Variants in RBFOX3 observed in about 807,000 individuals in gnomAD.
RBFOX3 encodes RNA binding protein fox-1 homolog 3.
Under a neutral mutation model 48.7 loss-of-function variants are expected in RBFOX3, and 17 were observed. That is an observed-to-expected ratio of 0.35 (90% CI 0.24 to 0.52). The LOEUF is 0.52. RBFOX3 is among the 20% of genes least tolerant of loss of function. The pLI is 0.94. For synonymous variants in RBFOX3, 212 were observed against 209.5 expected, an observed-to-expected ratio of 1.01 and a Z score of -0.10; for missense variants, 382 against 497.5, an observed-to-expected ratio of 0.77 and a Z score of 2.21.
intron 14 of RBFOX3, chr17:79,092,132 C>T (rs1332404808): frequency 8.1e-6 from 8 of 985,410 alleles, no homozygotes; most frequent in East Asian, 2.3e-4. Context: ...GGCCATGGCA[C>T]GGGGCTGGTC....
At chr17:79,306,426 G>A (rs1036889430) in intron 3 of RBFOX3, among the ~76,000 whole-genome samples, 5 of 152,260 alleles carry the variant, frequency 3.3e-5, no homozygotes, top group Non-Finnish European at 7.3e-5. Flanking sequence ...TCAGTGCAAC[G>A]GAGCCTGCTG....
intron 3 of RBFOX3, among the ~76,000 whole-genome samples, chr17:79,302,600 G>C (rs1253934497): frequency 2.0e-5 from 3 of 152,096 alleles, no homozygotes; most frequent in Non-Finnish European, 4.4e-5. Context: ...AGAATCAGTT[G>C]AACCTGGGAT....
At position 79,492,152 on chromosome 17, in the gene RBFOX3, A is replaced by G. The variant is rs1278289867; in HGVS notation, c.-319-9554T>C. On this transcript the variant is annotated intron_variant, in intron 1 of 14. Coordinates refer to ENST00000693108, the MANE Select transcript of RBFOX3 (RefSeq NM_001350451.2). ...GGCTGAGCTCACACTGGACATGCTG[A>G]GTTTGAAGAGCCCCTGGAATGTCGG... is the stretch of plus-strand genomic sequence containing the variant. Among the ~76,000 whole-genome samples the G allele has an allele frequency of 6.6e-5, 10 of 152,278 alleles. No homozygotes were observed. In the East Asian group the frequency reaches 1.5e-3, roughly 23 times the overall value.
intron 2 of RBFOX3, among the ~76,000 whole-genome samples, chr17:79,334,679 G>A (rs34898185): frequency 0.18 from 27,210 of 152,258 alleles, 3,306 homozygotes; most frequent in Non-Finnish European, 0.27. Context: ...GCAGGCCCAA[G>A]ACTGAGCTCT....
chr17:79,616,134 G>A, the RBFOX3 span, among the ~76,000 whole-genome samples: 7 of 152,174 alleles, frequency 4.6e-5, no homozygotes, highest in South Asian at 2.1e-4. Flanking sequence ...CAGCACCGAC[G>A]GCCCGTTGGA....
chr17:79,112,904 C>CGGCGGGGGGGGGGGGGG lies in RBFOX3; in HGVS notation c.222+2589_222+2590insCCCCCCCCCCCCCCGCC, dbSNP rs1307784460. Among the ~76,000 whole-genome samples the CGGCGGGGGGGGGGGGGG allele has an allele frequency of 5.3e-3, 55 of 10,290 alleles. 2 individuals are homozygous for CGGCGGGGGGGGGGGGGG. Among genetic ancestry groups the CGGCGGGGGGGGGGGGGG allele is most frequent in the African/African-American group, 7.3e-3 (16 of 2,182 alleles). The allele number at this position is 10,290 out of a possible 152,430, so 6.8% of individuals were successfully genotyped here. ...GGTGCCAACCTGGGCAGCAGGCTCT[C>CGGCGGGGGGGGGGGGGG]GGGGGGGGGGTGGGCTGGGTAGGAC... is the stretch of plus-strand genomic sequence containing the variant. On this transcript the variant is annotated intron_variant, in intron 5 of 14. Transcript: ENST00000693108.
At chr17:79,232,484 C>G (rs960580580) in intron 4 of RBFOX3, among the ~76,000 whole-genome samples, 3 of 152,146 alleles carry the variant, frequency 2.0e-5, no homozygotes, top group Non-Finnish European at 4.4e-5. Flanking sequence ...GACTCACATA[C>G]ACATGACAAC....
At chr17:79,565,153 G>C (rs2092408323) in intron 1 of RBFOX3, among the ~76,000 whole-genome samples, 1 of 151,206 alleles carries the variant, frequency 6.6e-6, no homozygotes, top group Admixed American at 6.6e-5. Flanking sequence ...TTTTTTAAAA[G>C]ACTGCTAGGA....
At chr17:79,512,570 C>T (rs1555781706) in intron 1 of RBFOX3, among the ~76,000 whole-genome samples, 1 of 149,166 alleles carries the variant, frequency 6.7e-6, no homozygotes, top group South Asian at 2.1e-4. Context: ...GGGACACCCA[C>T]CCAGATACAT....
chr17:79,450,266 CAATTTCAATTCT>C (rs1381566409), intron 2 of RBFOX3, among the ~76,000 whole-genome samples: 2 of 152,208 alleles, frequency 1.3e-5, no homozygotes, highest in East Asian at 3.8e-4. Flanking sequence ...AGGCCATTTC[CAATTTCAATTCT>C]AATCACTTCC....
intron 1 of RBFOX3, among the ~76,000 whole-genome samples, chr17:79,590,825 A>G (rs1378219587): frequency 6.6e-6 from 1 of 152,220 alleles, no homozygotes; most frequent in Admixed American, 6.5e-5. Flanking sequence ...CTGGGGTAAG[A>G]GTTCTCATCA....
intron 1 of RBFOX3, among the ~76,000 whole-genome samples, chr17:79,515,325 C>T (rs1439813149): frequency 6.6e-6 from 1 of 152,148 alleles, no homozygotes; most frequent in African/African-American, 2.4e-5. Context: ...AGCTGGGAGA[C>T]AGCACATGGC....
intron 4 of RBFOX3, among the ~76,000 whole-genome samples, chr17:79,191,526 G>A (rs1033118250): frequency 8.5e-5 from 13 of 152,186 alleles, no homozygotes; most frequent in African/African-American, 1.7e-4. Flanking sequence ...ACAAAGGCCC[G>A]GAGAGGCATT....
chr17:79,309,632 T>C (rs2076568511), intron 2 of RBFOX3, among the ~76,000 whole-genome samples: 2 of 152,170 alleles, frequency 1.3e-5, no homozygotes, highest in African/African-American at 2.4e-5. Flanking sequence ...TAATGTGGCT[T>C]GACTCTGTGT....
At chr17:79,442,288 AGGGAGG>A (rs2071178987) in intron 2 of RBFOX3, among the ~76,000 whole-genome samples, 1 of 19,398 alleles carries the variant, frequency 5.2e-5, no homozygotes, top group Non-Finnish European at 1.0e-4. Flanking sequence ...AGAGGGAGAG[AGGGAGG>A]GAGAGAGAGG....
At chr17:79,097,894 C>T (rs1404820768) in intron 9 of RBFOX3, 149 bp from the exon 10 acceptor site, 6 of 745,436 alleles carry the variant, frequency 8.0e-6, no homozygotes, top group African/African-American at 1.7e-5. Context: ...TCCCACACTG[C>T]CCGGACAAGT....
At chr17:79,148,282 C>T (rs941292436) in intron 4 of RBFOX3, among the ~76,000 whole-genome samples, 1 of 152,254 alleles carries the variant, frequency 6.6e-6, no homozygotes, top group East Asian at 1.9e-4. Flanking sequence ...GGTCCCTTCC[C>T]AAGCCTCTCG....
At chr17:79,490,317 C>T (rs1422572436) in intron 1 of RBFOX3, among the ~76,000 whole-genome samples, 2 of 152,174 alleles carry the variant, frequency 1.3e-5, no homozygotes, top group Admixed American at 6.5e-5. Context: ...TATGTGTCCT[C>T]AGTGCTGTGT....
chr17:79,090,851 T>C lies in RBFOX3; in HGVS notation c.*32A>G, dbSNP rs1290995965. 1 of 1,520,510 alleles carries C rather than the reference T, an allele frequency of 6.6e-7. No individual in the cohort carries two copies. Among genetic ancestry groups the C allele is most frequent in the Non-Finnish European group, 8.8e-7 (1 of 1,137,326 alleles). 94.2% of individuals were successfully genotyped at this position (1,520,510 alleles called of 1,614,324 possible). On this transcript the variant is annotated 3_prime_UTR_variant, in exon 15 of 15. Coordinates refer to ENST00000693108, the MANE Select transcript of RBFOX3 (RefSeq NM_001350451.2). Reference sequence around the variant, plus strand: ...TTTTTTTGTTTTTTTGTTTTTGCCCTTCATGGTCCGAGAAGGAAACGGTGG... The same window carrying C: ...TTTTTTTGTTTTTTTGTTTTTGCCCCTCATGGTCCGAGAAGGAAACGGTGG...
Sources: gnomAD v4.1 joint callset for allele counts (sites outside exome capture counted in the v4.1 genomes callset) on GRCh38, gnomAD v4.1.1 for gene constraint, MANE v1.5 for transcripts, NCBI Gene and HGNC (gene_info 2026-07-23, HGNC 2026-07-21) for gene names.